The following RCOR2 variants were observed in gnomAD, a reference collection of about 807,000 sequenced individuals.
RCOR2 encodes REST corepressor 2.
In RCOR2, 19 loss-of-function variants were observed where a neutral mutation model predicts 58.9. The ratio of observed to expected loss-of-function variants is 0.32; its 90% CI spans 0.23 to 0.47. The LOEUF (loss-of-function observed/expected upper bound fraction) is 0.47, where lower values mean the gene tolerates loss of function less well. Among genes scored for constraint, RCOR2 ranks in the 20% least tolerant of loss-of-function variants. RCOR2 has a pLI of 1.00. For synonymous variants in RCOR2, 286 were observed against 278.7 expected, an observed-to-expected ratio of 1.03 and a Z score of -0.26; for missense variants, 590 against 707.9, an observed-to-expected ratio of 0.83 and a Z score of 1.89.
intron 8 of RCOR2, 68 bp from the exon 9 acceptor site, chr11:63,913,015 G>C (rs1590734083): frequency 7.4e-7 from 1 of 1,353,224 alleles, no homozygotes; most frequent in Non-Finnish European, 1.0e-6. Context: ...CCCCTCACAG[G>C]ACCCTACTTC....
chr11:63,915,006 C>T, intron 3 of RCOR2, 52 bp from the exon 4 acceptor site: 1 of 1,608,000 alleles, frequency 6.2e-7, no homozygotes, highest in South Asian at 1.1e-5. Context: ...TAGCTCCTAA[C>T]CCAGGCCTGT....
upstream of RCOR2, among the ~76,000 whole-genome samples, chr11:63,917,595 C>A (rs1051509032): frequency 6.6e-6 from 1 of 152,142 alleles, no homozygotes; most frequent in African/African-American, 2.4e-5. Context: ...GCAGGGGGGA[C>A]CCCCCTTATG....
chr11:63,913,452 A>T (rs1941808783), intron 8 of RCOR2, among the ~76,000 whole-genome samples: 2 of 149,046 alleles, frequency 1.3e-5, no homozygotes, highest in Admixed American at 1.4e-4. Flanking sequence ...AGCCTCCCAA[A>T]GTGCTGGGAT....
At chr11:63,913,810 A>G in intron 8 of RCOR2, 144 bp downstream of exon 8, 1 of 824,438 alleles carries the variant, frequency 1.2e-6, no homozygotes, top group Non-Finnish European at 2.0e-6. Flanking sequence ...AGAAGGCCCA[A>G]AAAGAACACC....
Position 63,912,282 on chromosome 11 carries a change from G to A in RCOR2, c.1257+23C>T, listed in dbSNP as rs751968358. 29 of 1,602,410 alleles carry A rather than the reference G, an allele frequency of 1.8e-5. No individual in the cohort carries two copies. The Admixed American group carries it at 3.7e-4, about 20-fold the overall frequency. ...CTCGCCTCGCCTCTCCTCTCTGAGG[G>A]GTTTCTCTCACCCCCTTCTCACCTC... On this transcript the variant is annotated intron_variant, in intron 11 of 11. Coordinates refer to ENST00000301459, the MANE Select transcript of RCOR2 (RefSeq NM_173587.4).
Position 63,913,184 on chromosome 11 carries a change from A to ATTTTT in RCOR2, c.892-242_892-238dup, listed in dbSNP as rs71039683. 2.9e-3 allele frequency among the ~76,000 whole-genome samples: 226 copies of ATTTTT among 77,814 alleles called. 1 individual carries two copies. Among genetic ancestry groups the ATTTTT allele is most frequent in the Middle Eastern group, 9.1e-3 (1 of 110 alleles). 51.0% of individuals were successfully genotyped at this position (77,814 alleles called of 152,430 possible). A position where few individuals can be genotyped will look rare whatever the true frequency, so the allele number is the denominator to read the frequency against. On this transcript the variant is annotated intron_variant, in intron 8 of 11. Coordinates refer to ENST00000301459, the MANE Select transcript of RCOR2 (RefSeq NM_173587.4). ...TTTTTATATATATATATATATATAT[A>ATTTTT]TTTTTTTTTTTTTTTTTTTGAGAAG...
At chr11:63,922,649 G>A in the RCOR2 span, among the ~76,000 whole-genome samples, 1 of 152,218 alleles carries the variant, frequency 6.6e-6, no homozygotes, top group African/African-American at 2.4e-5. Flanking sequence ...ACTGCGCCAG[G>A]CCACTGAATA....
At position 63,917,159 on chromosome 11, in the gene RCOR2, CACAAT is replaced by C. The variant is rs1172146850; in HGVS notation, c.-708_-704del. ...TCCGCCGCCGCTCGCTCCTCGCGCA[CACAAT>C]GAAGCTGCTGGCAGGGAAGTAGTGC... is the stretch of plus-strand genomic sequence containing the variant. On this transcript the variant is annotated 5_prime_UTR_variant, in exon 1 of 12. Transcript: ENST00000301459. Among the ~76,000 whole-genome samples, 4 of 151,854 alleles carry C rather than the reference CACAAT, an allele frequency of 2.6e-5. No individual in the cohort carries two copies. The highest frequency in any genetic ancestry group is 9.7e-5 in the African/African-American group (4 of 41,404).
chr11:63,915,823 A>T (rs566894869), intron 1 of RCOR2, among the ~76,000 whole-genome samples: 43 of 152,290 alleles, frequency 2.8e-4, no homozygotes, highest in South Asian at 2.7e-3. Context: ...AGCCATGGCC[A>T]TTGGGGCTGG....
chr11:63,913,162 T>TTATA lies in RCOR2; in HGVS notation c.892-219_892-216dup, dbSNP rs1204145215. ...GCAGACCAGTTTATATTTTTATTTT[T>TTATA]TATATATATATATATATATATATTT... is the stretch of plus-strand genomic sequence containing the variant. On this transcript the variant is annotated intron_variant, in intron 8 of 11. Coordinates refer to ENST00000301459, the MANE Select transcript of RCOR2 (RefSeq NM_173587.4). 5.4e-4 allele frequency among the ~76,000 whole-genome samples: 37 copies of TTATA among 68,234 alleles called. 1 individual carries two copies. The highest frequency in any genetic ancestry group is 1.7e-3 in the African/African-American group (35 of 20,820). 44.8% of individuals were successfully genotyped at this position (68,234 alleles called of 152,430 possible).
chr11:63,918,854 C>T (rs1415123423), upstream of RCOR2, among the ~76,000 whole-genome samples: 1 of 152,250 alleles, frequency 6.6e-6, no homozygotes, highest in East Asian at 1.9e-4. Flanking sequence ...CCTGCACCCC[C>T]AGGCTCAGCA....
the RCOR2 span, among the ~76,000 whole-genome samples, chr11:63,926,787 T>TG: frequency 1.5e-4 from 22 of 147,534 alleles, no homozygotes; most frequent in East Asian, 5.9e-4. Flanking sequence ...CTGTTTTTTT[T>TG]TTTTGTTTTG....
the RCOR2 span, among the ~76,000 whole-genome samples, chr11:63,922,630 G>A: frequency 6.6e-6 from 1 of 152,328 alleles, no homozygotes; most frequent in East Asian, 1.9e-4. Context: ...GGGATTACAA[G>A]TGTGAGCCAC....
At chr11:63,917,352 G>A (rs998935780), upstream of RCOR2, among the ~76,000 whole-genome samples, 4 of 152,226 alleles carry the variant, frequency 2.6e-5, no homozygotes, top group East Asian at 5.8e-4. Flanking sequence ...CGCTGCGGGG[G>A]CTCCCCTCGC....
Position 63,916,966 on chromosome 11 carries a change from A to G in RCOR2, c.-510T>C, listed in dbSNP as rs1941866978. On this transcript the variant is annotated 5_prime_UTR_variant, in exon 1 of 12. Coordinates refer to ENST00000301459, the MANE Select transcript of RCOR2 (RefSeq NM_173587.4). ...GCCCGCGACGGCAGCCGGCCGGGGC[A>G]CCGGCGGCGGCGGCGGCGGCGACGG... 1 of 118,414 alleles carries G rather than the reference A, an allele frequency of 8.4e-6. No individual in the cohort carries two copies. The highest frequency in any genetic ancestry group is 1.9e-5 in the Non-Finnish European group (1 of 52,488). 7.3% of individuals were successfully genotyped at this position (118,414 alleles called of 1,614,324 possible).
At chr11:63,923,010 A>G in the RCOR2 span, among the ~76,000 whole-genome samples, 1 of 152,090 alleles carries the variant, frequency 6.6e-6, no homozygotes, top group African/African-American at 2.4e-5. Flanking sequence ...TCCAGCCACC[A>G]TATGGCTCTT....
the RCOR2 span, among the ~76,000 whole-genome samples, chr11:63,924,830 C>T: frequency 1.3e-5 from 2 of 149,348 alleles, no homozygotes; most frequent in Non-Finnish European, 3.0e-5. Flanking sequence ...ATTACAGGCA[C>T]ATGCTACCAT....
chr11:63,914,177 T>A lies in RCOR2; in HGVS notation c.676-8A>T. ...GGGCCGAGAGGGTAGAGGCTGCCAGTGAAAGGAGAGGCAGGTAGGTGGTGC... is the reference window on the plus strand; with the variant it reads ...GGGCCGAGAGGGTAGAGGCTGCCAGAGAAAGGAGAGGCAGGTAGGTGGTGC... On this transcript the variant is annotated splice_polypyrimidine_tract_variant and splice_region_variant and intron_variant, in intron 7 of 11. Coordinates refer to ENST00000301459, the MANE Select transcript of RCOR2 (RefSeq NM_173587.4). The A allele has an allele frequency of 6.2e-7, 1 of 1,613,428 alleles. No homozygotes were observed. Among genetic ancestry groups the A allele is most frequent in the Non-Finnish European group, 8.5e-7 (1 of 1,179,872 alleles).
intron 10 of RCOR2, 52 bp from the exon 11 acceptor site, chr11:63,912,586 T>C (rs763735629): frequency 1.3e-6 from 2 of 1,589,260 alleles, no homozygotes; most frequent in Non-Finnish European, 1.7e-6. Context: ...ACTAGTTACT[T>C]CCCTGACCCT....
Sources: allele counts gnomAD v4.1 joint callset (sites outside exome capture counted in the v4.1 genomes callset), GRCh38; gene constraint gnomAD v4.1.1; transcripts MANE v1.5; gene names NCBI Gene and HGNC (gene_info 2026-07-23, HGNC 2026-07-21).